ST6GALNAC3: variants seen among roughly 807,000 people sequenced by gnomAD.
The protein encoded by ST6GALNAC3 is ST6 N-acetylgalactosaminide alpha-2,6-sialyltransferase 3, also known as alpha-N-acetylgalactosaminide alpha-2,6-sialyltransferase 3.
ST6GALNAC3 carries 25 observed loss-of-function variants against 32.7 expected under a neutral mutation model. The ratio of observed to expected loss-of-function variants is 0.76; its 90% CI spans 0.56 to 1.07. The LOEUF is 1.07. Ranked by LOEUF, ST6GALNAC3 falls within the 50% of genes least tolerant of loss-of-function variation. The pLI, the probability that ST6GALNAC3 is intolerant of heterozygous loss-of-function variation, is 0.00. For missense variants in ST6GALNAC3, 355 were observed against 382.4 expected (o/e 0.93, Z 0.60); for synonymous variants, 129 against 133.1 (o/e 0.97, Z 0.21).
At chr1:76,447,736 G>A (rs993716215) in intron 3 of ST6GALNAC3, among the ~76,000 whole-genome samples, 35 of 152,140 alleles carry the variant, frequency 2.3e-4, no homozygotes, top group African/African-American at 5.1e-4. Context: ...AGTGGAAGCC[G>A]CAAGCCTTGG....
chr1:76,422,054 A>G (rs993523125), intron 3 of ST6GALNAC3, among the ~76,000 whole-genome samples: 2 of 151,730 alleles, frequency 1.3e-5, no homozygotes, highest in African/African-American at 4.8e-5. Flanking sequence ...TAATATACTT[A>G]TTTATTTTAA....
At chr1:76,175,862 T>C (rs1652817389) in intron 1 of ST6GALNAC3, among the ~76,000 whole-genome samples, 2 of 152,206 alleles carry the variant, frequency 1.3e-5, no homozygotes, top group Admixed American at 6.5e-5. Flanking sequence ...CTAATCACAA[T>C]TTTAACATTG....
intron 3 of ST6GALNAC3, among the ~76,000 whole-genome samples, chr1:76,624,839 A>G (rs1226241570): frequency 1.3e-5 from 2 of 151,902 alleles, no homozygotes; most frequent in African/African-American, 2.4e-5. Context: ...TTATATTTTT[A>G]TATATACCCC....
At chr1:76,570,924 C>T (rs1665824382) in intron 3 of ST6GALNAC3, among the ~76,000 whole-genome samples, 2 of 152,020 alleles carry the variant, frequency 1.3e-5, no homozygotes, top group African/African-American at 4.8e-5. Flanking sequence ...TGCTGAGACT[C>T]AAATACCAGT....
At chr1:76,459,085 G>T (rs1658085133) in intron 3 of ST6GALNAC3, among the ~76,000 whole-genome samples, 2 of 152,094 alleles carry the variant, frequency 1.3e-5, no homozygotes, top group African/African-American at 4.8e-5. Flanking sequence ...CCAGCATATT[G>T]GGAGATATCC....
At chr1:76,624,910 A>T (rs182106617) in intron 3 of ST6GALNAC3, among the ~76,000 whole-genome samples, 151 of 152,088 alleles carry the variant, frequency 9.9e-4, no homozygotes, top group African/African-American at 3.3e-3. Context: ...ACGTATTCAC[A>T]TGTTTGCTCA....
chr1:76,630,238 A>G lies in ST6GALNAC3; in HGVS notation c.*1432A>G, dbSNP rs1649221898. ...GTGCCAAATACATTATATCAGGATTACACAAAAAGTATCACAAAGGATGGT... is the reference window on the plus strand; with the variant it reads ...GTGCCAAATACATTATATCAGGATTGCACAAAAAGTATCACAAAGGATGGT... On this transcript the variant is annotated 3_prime_UTR_variant, in exon 5 of 5. Transcript: ENST00000328299. 2 of 985,252 alleles carry G rather than the reference A, an allele frequency of 2.0e-6. No individual in the cohort carries two copies. Among genetic ancestry groups the G allele is most frequent in the South Asian group, 9.4e-5 (2 of 21,284 alleles). 61.0% of individuals were successfully genotyped at this position (985,252 alleles called of 1,614,324 possible). A position where few individuals can be genotyped will look rare whatever the true frequency, so the allele number is the denominator to read the frequency against.
intron 2 of ST6GALNAC3, among the ~76,000 whole-genome samples, chr1:76,317,413 A>G (rs753486599): frequency 2.0e-5 from 3 of 152,144 alleles, no homozygotes; most frequent in Non-Finnish European, 4.4e-5. Context: ...TTCTAGGACA[A>G]ATAGCTTAAA....
At chr1:76,212,565 CACCTG>C (rs1172940463) in intron 1 of ST6GALNAC3, among the ~76,000 whole-genome samples, 1 of 152,132 alleles carries the variant, frequency 6.6e-6, no homozygotes, top group Non-Finnish European at 1.5e-5. Context: ...CAGGAAAAAG[CACCTG>C]ACCTGTGTAT....
chr1:76,592,505 T>G (rs1647064311), intron 3 of ST6GALNAC3, among the ~76,000 whole-genome samples: 1 of 152,190 alleles, frequency 6.6e-6, no homozygotes, highest in South Asian at 2.1e-4. Flanking sequence ...GGAACTGTCC[T>G]GATGGAGAGA....
chr1:76,628,572 A>C, intron 4 of ST6GALNAC3, 48 bp from the exon 5 acceptor site: 1 of 1,507,672 alleles, frequency 6.6e-7, no homozygotes, highest in Non-Finnish European at 8.8e-7. Context: ...TGAGTGCTTC[A>C]TTCTTCATCT....
At chr1:76,331,222 G>A (rs1018361958) in intron 2 of ST6GALNAC3, among the ~76,000 whole-genome samples, 9 of 152,132 alleles carry the variant, frequency 5.9e-5, no homozygotes, top group Admixed American at 5.2e-4. Flanking sequence ...ATAGTTTGAT[G>A]TCTTAAGAAA....
intron 3 of ST6GALNAC3, among the ~76,000 whole-genome samples, chr1:76,429,840 C>G (rs1655634361): frequency 6.6e-6 from 1 of 152,098 alleles, no homozygotes; most frequent in South Asian, 2.1e-4. Flanking sequence ...CACTTGCTAC[C>G]ATGCTTCCAA....
intron 1 of ST6GALNAC3, among the ~76,000 whole-genome samples, chr1:76,171,178 G>A (rs1004947151): frequency 6.6e-6 from 1 of 151,396 alleles, no homozygotes; most frequent in Non-Finnish European, 1.5e-5. Context: ...ACTCAGTCTT[G>A]CAAACTGCTC....
At chr1:76,205,792 A>G (rs575857942) in intron 1 of ST6GALNAC3, among the ~76,000 whole-genome samples, 52 of 152,220 alleles carry the variant, frequency 3.4e-4, no homozygotes, top group African/African-American at 1.2e-3. Context: ...ACCTGGCAGT[A>G]AGTACTAAAT....
chr1:76,322,572 C>T (rs1646987914), intron 2 of ST6GALNAC3, among the ~76,000 whole-genome samples: 8 of 152,130 alleles, frequency 5.3e-5, no homozygotes, highest in Admixed American at 5.2e-4. Context: ...CAATTAAACA[C>T]TTATATTTAA....
chr1:76,324,479 A>C (rs934003204), intron 2 of ST6GALNAC3, among the ~76,000 whole-genome samples: 1 of 152,180 alleles, frequency 6.6e-6, no homozygotes, highest in Non-Finnish European at 1.5e-5. Flanking sequence ...ACACTTTACC[A>C]CTGAGGCCAT....
At chr1:76,510,807 C>T (rs1228605850) in intron 3 of ST6GALNAC3, among the ~76,000 whole-genome samples, 1 of 152,136 alleles carries the variant, frequency 6.6e-6, no homozygotes, top group Non-Finnish European at 1.5e-5. Flanking sequence ...TCACTAAGCA[C>T]AATGTGCATT....
chr1:76,119,702 A>G (rs1648733690), intron 1 of ST6GALNAC3, among the ~76,000 whole-genome samples: 1 of 152,230 alleles, frequency 6.6e-6, no homozygotes. Context: ...CAACAATAGT[A>G]ACTATAACAA....
Sources: gnomAD v4.1 joint callset for allele counts (sites outside exome capture counted in the v4.1 genomes callset) on GRCh38, gnomAD v4.1.1 for gene constraint, MANE v1.5 for transcripts, NCBI Gene and HGNC (gene_info 2026-07-23, HGNC 2026-07-21) for gene names.